The following STXBP4 variants were observed in gnomAD, a reference collection of about 807,000 sequenced individuals.
The protein encoded by STXBP4 is syntaxin-binding protein 4.
A neutral mutation model predicts 76.1 loss-of-function variants in STXBP4; 55 were observed. That is an observed-to-expected ratio of 0.72 (90% confidence interval 0.58 to 0.91). STXBP4 has a LOEUF of 0.91. Among genes scored for constraint, STXBP4 ranks in the 40% least tolerant of loss-of-function variants. The probability of loss-of-function intolerance (pLI) is 0.00; values close to 1 mark genes in which losing one functional copy is unlikely to be tolerated. For missense variants in STXBP4, 618 were observed against 636.9 expected (o/e 0.97, Z 0.32); for synonymous variants, 201 against 220.2 (o/e 0.91, Z 0.77).
rs74855201 is a variant in STXBP4, at chr17:54,976,458, C to G, written c.-157+7643C>G. Among the ~76,000 whole-genome samples the G allele has an allele frequency of 7.3e-3, 1,118 of 152,292 alleles. 4 individuals carry two copies. The highest frequency in any genetic ancestry group is 0.031 in the Middle Eastern group (9 of 294). On this transcript the variant is annotated intron_variant, in intron 1 of 17. Coordinates refer to ENST00000376352, the MANE Select transcript of STXBP4 (RefSeq NM_178509.6). ...CTTTCTCAGGAAACCAACCATCAGG[C>G]CTCCCAGATACTATCAAGAAACTGA... is the stretch of plus-strand genomic sequence containing the variant.
intron 16 of STXBP4, among the ~76,000 whole-genome samples, chr17:55,131,792 G>A (rs2079976089): frequency 6.6e-6 from 1 of 152,074 alleles, no homozygotes; most frequent in Admixed American, 6.6e-5. Flanking sequence ...GACAGGGTCT[G>A]GCTCTGTCAC....
intron 16 of STXBP4, among the ~76,000 whole-genome samples, chr17:55,129,177 C>T (rs1018924044): frequency 6.6e-6 from 1 of 152,092 alleles, no homozygotes; most frequent in Non-Finnish European, 1.5e-5. Flanking sequence ...ATCCGCCCGC[C>T]TCGGCCTCCC....
At position 55,164,651 on chromosome 17, in the gene STXBP4, A is replaced by G. The variant is rs1012484283; in HGVS notation, c.*4740A>G. 2 of 149,242 alleles carry G rather than the reference A, an allele frequency of 1.3e-5. No homozygotes were observed. Among genetic ancestry groups the G allele is most frequent in the African/African-American group, 4.9e-5 (2 of 40,472 alleles). The allele number at this position is 149,242 out of a possible 1,614,324, so 9.2% of individuals were successfully genotyped here. On this transcript the variant is annotated 3_prime_UTR_variant, in exon 18 of 18. Transcript: ENST00000376352. Reference sequence around the variant, plus strand: ...GTATTTTTAGTAGAGACGGGGTTTCACCTTGTTAGCCAGGATGGTCTCGAT... The same window carrying G: ...GTATTTTTAGTAGAGACGGGGTTTCGCCTTGTTAGCCAGGATGGTCTCGAT...
intron 13 of STXBP4, 114 bp downstream of exon 13, chr17:55,073,190 A>C (rs773301553): frequency 1.1e-6 from 1 of 939,646 alleles, no homozygotes; most frequent in Non-Finnish European, 1.6e-6. Flanking sequence ...TTTGTCTTCT[A>C]TTATTCAATG....
chr17:55,139,738 T>C (rs2080074573), intron 16 of STXBP4, among the ~76,000 whole-genome samples: 1 of 152,120 alleles, frequency 6.6e-6, no homozygotes, highest in Non-Finnish European at 1.5e-5. Flanking sequence ...TAAGCCAGGC[T>C]CTAGGAAGTG....
At chr17:55,061,783 G>A (rs1341616820) in intron 12 of STXBP4, among the ~76,000 whole-genome samples, 1 of 152,118 alleles carries the variant, frequency 6.6e-6, no homozygotes, top group East Asian at 1.9e-4. Context: ...ATTCCCTTGG[G>A]ATTCGTCTAG....
the STXBP4 span, among the ~76,000 whole-genome samples, chr17:55,205,494 G>T: frequency 2.0e-5 from 3 of 151,376 alleles, no homozygotes; most frequent in Admixed American, 6.6e-5. Context: ...AGTGTTAAAA[G>T]GTAAACATAT....
At chr17:55,210,901 T>C in the STXBP4 span, among the ~76,000 whole-genome samples, 3 of 152,214 alleles carry the variant, frequency 2.0e-5, no homozygotes, top group African/African-American at 7.2e-5. Context: ...CAGGCATAAA[T>C]CATCATTAAG....
intron 16 of STXBP4, among the ~76,000 whole-genome samples, chr17:55,093,871 A>G (rs2079448736): frequency 6.6e-6 from 1 of 152,200 alleles, no homozygotes; most frequent in Non-Finnish European, 1.5e-5. Context: ...GGCCCTTGCT[A>G]TCAAGCTGCT....
At chr17:55,210,099 G>A in the STXBP4 span, among the ~76,000 whole-genome samples, 2 of 152,154 alleles carry the variant, frequency 1.3e-5, no homozygotes, top group Non-Finnish European at 2.9e-5. Flanking sequence ...GGAAAGGACC[G>A]AGCCCACTGA....
intron 10 of STXBP4, among the ~76,000 whole-genome samples, chr17:55,037,353 T>G (rs922075640): frequency 3.3e-5 from 5 of 152,130 alleles, no homozygotes; most frequent in Non-Finnish European, 7.4e-5. Flanking sequence ...CAATTCAGAG[T>G]ATTTTGTATG....
At chr17:55,110,002 A>G (rs2079693439) in intron 16 of STXBP4, among the ~76,000 whole-genome samples, 1 of 152,212 alleles carries the variant, frequency 6.6e-6, no homozygotes, top group South Asian at 2.1e-4. Flanking sequence ...AGTTCAAAAT[A>G]TGTTTCATTG....
the STXBP4 span, among the ~76,000 whole-genome samples, chr17:55,179,664 G>A: frequency 6.6e-6 from 1 of 152,016 alleles, no homozygotes; most frequent in Non-Finnish European, 1.5e-5. Context: ...ATATGAAGAT[G>A]ATGAAGATGA....
At chr17:55,204,862 A>G in the STXBP4 span, among the ~76,000 whole-genome samples, 4 of 151,742 alleles carry the variant, frequency 2.6e-5, no homozygotes, top group African/African-American at 9.7e-5. Flanking sequence ...ATACCCCTTC[A>G]AAAAGGTATC....
intron 12 of STXBP4, among the ~76,000 whole-genome samples, chr17:55,048,567 A>G (rs1199120425): frequency 6.6e-6 from 1 of 151,848 alleles, no homozygotes. Flanking sequence ...TGGGCTATGA[A>G]AAACACATCT....
rs139099777 is a variant in STXBP4 at position 55,062,109 on chromosome 17, T to C, written c.1012-10791T>C. ...AGGCTTTTTTTTTTTTAAATATATA[T>C]TTTAAGTTCTGGGATACATGTGCAG... On this transcript the variant is annotated intron_variant, in intron 12 of 17. Coordinates refer to ENST00000376352, the MANE Select transcript of STXBP4 (RefSeq NM_178509.6). 3.2e-3 allele frequency among the ~76,000 whole-genome samples: 479 copies of C among 152,022 alleles called. 12 individuals carry two copies. The highest frequency in any genetic ancestry group is 0.025 in the East Asian group (128 of 5,166).
At chr17:55,199,091 A>AG in the STXBP4 span, among the ~76,000 whole-genome samples, 1 of 152,254 alleles carries the variant, frequency 6.6e-6, no homozygotes, top group Non-Finnish European at 1.5e-5. Flanking sequence ...AGAGCATGGC[A>AG]TATGCAGCTA....
At chr17:55,152,365 C>G (rs1343303002) in intron 17 of STXBP4, among the ~76,000 whole-genome samples, 1 of 152,194 alleles carries the variant, frequency 6.6e-6, no homozygotes, top group Non-Finnish European at 1.5e-5. Flanking sequence ...CACAAAGCCT[C>G]TGACTCAGGC....
At chr17:55,004,776 G>A (rs935125808) in intron 7 of STXBP4, among the ~76,000 whole-genome samples, 1 of 151,876 alleles carries the variant, frequency 6.6e-6, no homozygotes, top group Non-Finnish European at 1.5e-5. Flanking sequence ...GACGGAGGGA[G>A]AAGGAGAAGG....
Sources: allele counts gnomAD v4.1 joint callset (sites outside exome capture counted in the v4.1 genomes callset), GRCh38; gene constraint gnomAD v4.1.1; transcripts MANE v1.5; gene names NCBI Gene and HGNC (gene_info 2026-07-23, HGNC 2026-07-21).